The following GUCY1A1 variants were observed in gnomAD, a reference collection of about 807,000 sequenced individuals.
GUCY1A1 encodes the protein guanylate cyclase soluble subunit alpha-1.
A neutral mutation model predicts 64.5 loss-of-function variants in GUCY1A1; 48 were observed. That is an observed-to-expected ratio of 0.74 (90% CI 0.59 to 0.95). The LOEUF (loss-of-function observed/expected upper bound fraction) is 0.95. Among genes scored for constraint, GUCY1A1 ranks in the 40% least tolerant of loss-of-function variants. The probability of loss-of-function intolerance (pLI) is 0.00; values close to 1 mark genes in which losing one functional copy is unlikely to be tolerated. For synonymous variants in GUCY1A1, 308 were observed against 303.4 expected, an observed-to-expected ratio of 1.02 and a Z score of -0.16; for missense variants, 804 against 825.3, an observed-to-expected ratio of 0.97 and a Z score of 0.32.
intron 9 of GUCY1A1, among the ~76,000 whole-genome samples, chr4:155,725,258 T>C (rs538516557): frequency 9.9e-5 from 15 of 152,196 alleles, no homozygotes; most frequent in African/African-American, 3.4e-4. Flanking sequence ...AAGAAGTATT[T>C]ACTGGTTAAC....
Position 155,717,247 on chromosome 4 carries a change from T to C in GUCY1A1, c.1661T>C (p.Leu554Pro). 6.3e-7 allele frequency: 1 copy of C among 1,599,780 alleles called. No homozygotes were observed. Among genetic ancestry groups the C allele is most frequent in the Non-Finnish European group, 8.5e-7 (1 of 1,171,222 alleles). Residue 554 changes from leucine (L) to proline (P), a missense_variant, in exon 8 of 10, where the codon CTG becomes CCG. Physicochemically the swap from Leu to Pro is moderately conservative, Grantham distance 98. Transcript: ENST00000506455. ...GCTGTTCAGATAGCGCTGATGGCCCTGAAGATGATGGAGCTCTCTGATGAA... is the reference window on the plus strand; with the variant it reads ...GCTGTTCAGATAGCGCTGATGGCCCCGAAGATGATGGAGCTCTCTGATGAA... ...THAVQIALMALKMMELSDEVM... is the reference protein window; with the variant it reads ...THAVQIALMAPKMMELSDEVM...
At chr4:155,698,505 G>C (rs1440689556) in intron 3 of GUCY1A1, among the ~76,000 whole-genome samples, 5 of 152,172 alleles carry the variant, frequency 3.3e-5, no homozygotes, top group Non-Finnish European at 4.4e-5. Context: ...TGATGAGGAA[G>C]CTGAGATTGC....
intron 2 of GUCY1A1, among the ~76,000 whole-genome samples, chr4:155,692,857 G>A (rs191774338): frequency 7.9e-5 from 12 of 152,186 alleles, no homozygotes; most frequent in Non-Finnish European, 1.6e-4. Flanking sequence ...TCAGGAGTTC[G>A]AGACCAGCCT....
rs989279726 is a variant in GUCY1A1 at position 155,675,740 on chromosome 4, TGATAA to T, written c.-113+8324_-113+8328del. Among the ~76,000 whole-genome samples the T allele has an allele frequency of 4.6e-5, 7 of 151,634 alleles. 2 individuals are homozygous for T. Among genetic ancestry groups the T allele is most frequent in the African/African-American group, 1.7e-4 (7 of 40,892 alleles). On this transcript the variant is annotated intron_variant, in intron 2 of 9. Coordinates refer to ENST00000506455, the MANE Select transcript of GUCY1A1 (RefSeq NM_001130682.3). ...TATGTAGGAGAGCTGTGATATGCCC[TGATAA>T]GAGTTTATACTTTGGAGAACAAATT... is the stretch of plus-strand genomic sequence containing the variant.
chr4:155,696,913 C>T lies in GUCY1A1; in HGVS notation c.46C>T (p.Pro16Ser). 1 of 1,611,828 alleles carries T rather than the reference C, an allele frequency of 6.2e-7. No homozygotes were observed. The highest frequency in any genetic ancestry group is 1.1e-5 in the South Asian group (1 of 91,042). Residue 16 changes from proline to serine, a missense_variant, in exon 3 of 10, where the codon CCT becomes TCT. By Grantham distance (74) the Pro-to-Ser change is moderately conservative. Coordinates refer to ENST00000506455, the MANE Select transcript of GUCY1A1 (RefSeq NM_001130682.3). ...GGATCTCAAGATCACAGGAGAGTGT[C>T]CTTTCTCCTTACTGGCACCAGGTCA... ...LKDLKITGEC[P>S]FSLLAPGQVP...
At chr4:155,718,311 C>T (rs1733525158) in intron 8 of GUCY1A1, among the ~76,000 whole-genome samples, 1 of 152,158 alleles carries the variant, frequency 6.6e-6, no homozygotes, top group African/African-American at 2.4e-5. Flanking sequence ...ACCCTTAACT[C>T]TCTTTAACCT....
intron 7 of GUCY1A1, among the ~76,000 whole-genome samples, chr4:155,713,839 G>A (rs1044056523): frequency 2.0e-5 from 3 of 152,154 alleles, no homozygotes; most frequent in Admixed American, 2.0e-4. Flanking sequence ...AGGAGAGAAT[G>A]GAGGGAGGAT....
intron 2 of GUCY1A1, among the ~76,000 whole-genome samples, chr4:155,673,787 G>A (rs1481807263): frequency 1.3e-5 from 2 of 151,296 alleles, no homozygotes; most frequent in Non-Finnish European, 1.5e-5. Flanking sequence ...TTCAATCTTT[G>A]TGGGGCCCAC....
intron 2 of GUCY1A1, among the ~76,000 whole-genome samples, chr4:155,669,733 GA>G (rs887040613): frequency 4.5e-4 from 68 of 151,838 alleles, no homozygotes; most frequent in Non-Finnish European, 6.5e-4. Flanking sequence ...AAATGAAATT[GA>G]AAAAAATTAA....
Position 155,731,344 on chromosome 4 carries a change from T to C in GUCY1A1, c.*1113T>C, listed in dbSNP as rs552874730. ...TGCTGAACATTTTGGTGTATGTCTA[T>C]GAACTAAGAATCAAGTTTTTGTCTC... On this transcript the variant is annotated 3_prime_UTR_variant, in exon 10 of 10. Transcript: ENST00000506455. 2 of 151,880 alleles carry C rather than the reference T, an allele frequency of 1.3e-5. No homozygotes were observed. The highest frequency in any genetic ancestry group is 6.6e-5 in the Admixed American group (1 of 15,222). The allele number at this position is 151,880 out of a possible 1,614,324, so 9.4% of individuals were successfully genotyped here.
rs1395171289 is a variant in GUCY1A1, at chr4:155,713,313, T to C, written c.1302T>C (p.Ala434=). The C allele has an allele frequency of 1.2e-6, 2 of 1,614,146 alleles. No homozygotes were observed. The highest frequency in any genetic ancestry group is 3.3e-5 in the Admixed American group (2 of 60,020). The change falls in exon 7 of 10, where the codon GCT becomes GCC. Residue 434 remains alanine, a synonymous_variant. Coordinates refer to ENST00000506455, the MANE Select transcript of GUCY1A1 (RefSeq NM_001130682.3). ...AGAAGAGGCTGGGGAAGCTGAAGGC[T>C]ACCCTTGAGCAAGCCCACCAAGCCC... is the stretch of plus-strand genomic sequence containing the variant. ...GLKKRLGKLK[A]TLEQAHQALE... is the part of the protein sequence containing the mutation.
intron 3 of GUCY1A1, among the ~76,000 whole-genome samples, chr4:155,699,853 T>C (rs1379307120): frequency 6.6e-6 from 1 of 152,186 alleles, no homozygotes; most frequent in Non-Finnish European, 1.5e-5. Flanking sequence ...ATATTTTTAT[T>C]AGTGAACAGG....
chr4:155,730,313 T>C lies in GUCY1A1; in HGVS notation c.*82T>C, dbSNP rs181049922. On this transcript the variant is annotated 3_prime_UTR_variant, in exon 10 of 10. Coordinates refer to ENST00000506455, the MANE Select transcript of GUCY1A1 (RefSeq NM_001130682.3). ...GCCTCTGAAAGCACTTTAGGGATTG[T>C]AGATGGCTAACAAGCAGTATTAAAA... 217 of 790,548 alleles carry C rather than the reference T, an allele frequency of 2.7e-4. No homozygotes were observed. In the East Asian group the frequency reaches 3.3e-3, roughly 12 times the overall value. 49.0% of individuals were successfully genotyped at this position (790,548 alleles called of 1,614,324 possible). A position where few individuals can be genotyped will look rare whatever the true frequency, so the allele number is the denominator to read the frequency against.
intron 2 of GUCY1A1, among the ~76,000 whole-genome samples, chr4:155,695,275 A>C (rs1056156474): frequency 6.6e-6 from 1 of 152,080 alleles, no homozygotes; most frequent in Admixed American, 6.5e-5. Context: ...AACTTATTAG[A>C]TGACTTACAT....
chr4:155,722,298 C>A, intron 9 of GUCY1A1, 106 bp downstream of exon 9: 1 of 1,476,016 alleles, frequency 6.8e-7, no homozygotes, highest in South Asian at 1.4e-5. Flanking sequence ...CTTCCTTAGT[C>A]GTAAGGAAAA....
At chr4:155,670,106 C>T (rs1733929019) in intron 2 of GUCY1A1, among the ~76,000 whole-genome samples, 1 of 152,122 alleles carries the variant, frequency 6.6e-6, no homozygotes, top group South Asian at 2.1e-4. Flanking sequence ...CTTTTTCTGT[C>T]AGATTCACTA....
rs1278194220 is a variant in GUCY1A1 at position 155,731,190 on chromosome 4, G to A, written c.*959G>A. 6.6e-6 allele frequency: 1 copy of A among 151,888 alleles called. No individual in the cohort carries two copies. The highest frequency in any genetic ancestry group is 1.5e-5 in the Non-Finnish European group (1 of 67,844). 9.4% of individuals were successfully genotyped at this position (151,888 alleles called of 1,614,324 possible). On this transcript the variant is annotated 3_prime_UTR_variant, in exon 10 of 10. Coordinates refer to ENST00000506455, the MANE Select transcript of GUCY1A1 (RefSeq NM_001130682.3). ...GTGCAGGCACACTTGGAACAATATG[G>A]ACCCACTTCAGCAGACATCTTCTAT...
chr4:155,701,801 CCA>C, intron 3 of GUCY1A1, among the ~76,000 whole-genome samples: 1 of 113,970 alleles, frequency 8.8e-6, no homozygotes. Context: ...AACTCTATAT[CCA>C]AAAAAAAAAA....
At chr4:155,697,268 C>A (rs1189992035) in intron 3 of GUCY1A1, 146 bp downstream of exon 3, 4 of 650,958 alleles carry the variant, frequency 6.1e-6, no homozygotes, top group Admixed American at 2.9e-5. Context: ...TAAAAATATT[C>A]TTTTAAAGCA....
Sources: allele counts gnomAD v4.1 joint callset (sites outside exome capture counted in the v4.1 genomes callset), GRCh38; gene constraint gnomAD v4.1.1; transcripts MANE v1.5; gene names NCBI Gene and HGNC (gene_info 2026-07-23, HGNC 2026-07-21).